Variants in MEF2A observed in about 807,000 individuals in gnomAD.
MEF2A encodes the protein myocyte-specific enhancer factor 2A.
Under a neutral mutation model 55.8 loss-of-function variants are expected in MEF2A, and 28 were observed. That is an observed-to-expected ratio of 0.50 (90% CI 0.37 to 0.69). The LOEUF is 0.69. Among genes scored for constraint, MEF2A ranks in the 30% least tolerant of loss-of-function variants. MEF2A has a pLI of 0.00. For synonymous variants in MEF2A, 239 were observed against 227.1 expected (o/e 1.05, Z -0.47); for missense variants, 528 against 626.2 (o/e 0.84, Z 1.67).
intron 2 of MEF2A, among the ~76,000 whole-genome samples, chr15:99,625,750 T>C (rs2041945713): frequency 6.6e-6 from 1 of 152,176 alleles, no homozygotes; most frequent in African/African-American, 2.4e-5. Flanking sequence ...TTTTTCCCTC[T>C]TTATTCTCTT....
chr15:99,631,847 C>T (rs1172361772), intron 2 of MEF2A, among the ~76,000 whole-genome samples: 2 of 152,012 alleles, frequency 1.3e-5, no homozygotes, highest in Admixed American at 6.5e-5. Context: ...TGATAAGAAA[C>T]GAAAGGCTTA....
intron 2 of MEF2A, among the ~76,000 whole-genome samples, chr15:99,629,295 A>AT (rs1397313178): frequency 2.0e-5 from 3 of 152,160 alleles, no homozygotes; most frequent in African/African-American, 7.2e-5. Flanking sequence ...CGAACAAAGG[A>AT]TTCTTAGCAA....
At chr15:99,644,065 A>G (rs184871701) in intron 3 of MEF2A, among the ~76,000 whole-genome samples, 1 of 152,316 alleles carries the variant, frequency 6.6e-6, no homozygotes, top group East Asian at 1.9e-4. Context: ...CTCTATTTTC[A>G]TTCAGTTTAC....
At chr15:99,627,486 T>TG (rs2042239105) in intron 2 of MEF2A, among the ~76,000 whole-genome samples, 1 of 149,940 alleles carries the variant, frequency 6.7e-6, no homozygotes, top group Non-Finnish European at 1.5e-5. Flanking sequence ...TTAGTTTTTT[T>TG]GGTGTTGGCT....
At chr15:99,699,588 T>G (rs2057054219) in intron 8 of MEF2A, among the ~76,000 whole-genome samples, 1 of 152,202 alleles carries the variant, frequency 6.6e-6, no homozygotes, top group Admixed American at 6.5e-5. Flanking sequence ...GAATGCATAT[T>G]GTCACACATG....
At chr15:99,679,142 A>G (rs2153666930) in intron 7 of MEF2A, among the ~76,000 whole-genome samples, 2 of 152,358 alleles carry the variant, frequency 1.3e-5, no homozygotes, top group Middle Eastern at 6.8e-3. Context: ...ATGGGAGTAC[A>G]AGTTGTTGCA....
intron 2 of MEF2A, among the ~76,000 whole-genome samples, chr15:99,612,148 G>A (rs2039372398): frequency 6.6e-6 from 1 of 152,150 alleles, no homozygotes; most frequent in Admixed American, 6.5e-5. Context: ...GGGGGCAGTG[G>A]CTCACACCTG....
At chr15:99,591,679 C>T (rs1395362428) in intron 1 of MEF2A, among the ~76,000 whole-genome samples, 1 of 151,962 alleles carries the variant, frequency 6.6e-6, no homozygotes, top group Non-Finnish European at 1.5e-5. Flanking sequence ...CTCACAGGTT[C>T]TTCATAATCT....
At chr15:99,601,918 A>G (rs1309723969) in intron 2 of MEF2A, among the ~76,000 whole-genome samples, 1 of 151,138 alleles carries the variant, frequency 6.6e-6, no homozygotes, top group African/African-American at 2.4e-5. Context: ...ATTTGCATAG[A>G]ATTGATGTTA....
intron 2 of MEF2A, among the ~76,000 whole-genome samples, chr15:99,609,963 C>CAA (rs1442073572): frequency 2.0e-5 from 3 of 152,040 alleles, no homozygotes; most frequent in Non-Finnish European, 4.4e-5. Flanking sequence ...TTTTCACCAT[C>CAA]TTTTAGCAAA....
chr15:99,618,513 T>G (rs1157955003), intron 2 of MEF2A, among the ~76,000 whole-genome samples: 1 of 152,220 alleles, frequency 6.6e-6, no homozygotes, highest in East Asian at 1.9e-4. Context: ...ATGTTATATT[T>G]ATTGAATTTG....
chr15:99,634,687 C>T (rs192143890), intron 3 of MEF2A, among the ~76,000 whole-genome samples: 34 of 152,122 alleles, frequency 2.2e-4, no homozygotes, highest in African/African-American at 4.1e-4. Context: ...GTGTAGGTGA[C>T]GGTAATGGAA....
chr15:99,699,355 G>A (rs1453523871), intron 8 of MEF2A, among the ~76,000 whole-genome samples: 1 of 152,174 alleles, frequency 6.6e-6, no homozygotes, highest in Non-Finnish European at 1.5e-5. Context: ...ATTTCATTCT[G>A]GAAAATGCAA....
intron 4 of MEF2A, among the ~76,000 whole-genome samples, chr15:99,666,577 G>GTATAAT (rs1344746664): frequency 2.0e-5 from 1 of 50,244 alleles, no homozygotes; most frequent in Non-Finnish European, 6.0e-5. Context: ...AGAACTTAAA[G>GTATAAT]TATAATAATA....
intron 4 of MEF2A, among the ~76,000 whole-genome samples, chr15:99,661,960 A>G (rs1156789251): frequency 1.3e-5 from 2 of 152,166 alleles, no homozygotes; most frequent in South Asian, 2.1e-4. Flanking sequence ...TGAGCCAGCT[A>G]TAATTCTGTG....
chr15:99,667,258 G>C (rs906499300), intron 4 of MEF2A, among the ~76,000 whole-genome samples: 4 of 152,082 alleles, frequency 2.6e-5, no homozygotes, highest in African/African-American at 7.2e-5. Context: ...GTCTTGCTCT[G>C]TCGCCCAGGC....
intron 1 of MEF2A, chr15:99,566,459 G>A (rs1343504693): frequency 6.7e-6 from 1 of 150,322 alleles, no homozygotes; most frequent in Non-Finnish European, 1.5e-5. Context: ...GATGGGGCTC[G>A]GCTGGGCGGG....
chr15:99,652,871 T>C (rs1018837359), intron 4 of MEF2A, among the ~76,000 whole-genome samples: 2 of 152,236 alleles, frequency 1.3e-5, no homozygotes, highest in African/African-American at 4.8e-5. Flanking sequence ...TGTCGTACTA[T>C]GTACCAGGCA....
At chr15:99,632,744 A>T (rs1488862798) in intron 2 of MEF2A, among the ~76,000 whole-genome samples, 1 of 152,154 alleles carries the variant, frequency 6.6e-6, no homozygotes, top group Non-Finnish European at 1.5e-5. Flanking sequence ...CATTGAGAAA[A>T]CCTCAAACAT....
Sources: allele counts gnomAD v4.1 joint callset (sites outside exome capture counted in the v4.1 genomes callset), GRCh38; gene constraint gnomAD v4.1.1; transcripts MANE v1.5; gene names NCBI Gene and HGNC (gene_info 2026-07-23, HGNC 2026-07-21).